Variants in GALNT13 observed in about 807,000 individuals in gnomAD.
The protein encoded by GALNT13 is UDP-GalNAc:polypeptide N-acetylgalactosaminyltransferase 13.
GALNT13 carries 28 observed loss-of-function variants against 64.2 expected under a neutral mutation model. The observed-to-expected ratio is 0.44, with a 90% CI of 0.32 to 0.60. GALNT13 has a LOEUF of 0.60. Among genes scored for constraint, GALNT13 ranks in the 20% least tolerant of loss-of-function variants. The probability of loss-of-function intolerance (pLI) is 0.05; values close to 1 mark genes in which losing one functional copy is unlikely to be tolerated. For synonymous variants in GALNT13, 214 were observed against 224.6 expected, an observed-to-expected ratio of 0.95 and a Z score of 0.42; for missense variants, 577 against 669.8, an observed-to-expected ratio of 0.86 and a Z score of 1.53.
chr2:153,167,567 T>G, the GALNT13 span, among the ~76,000 whole-genome samples: 4 of 147,708 alleles, frequency 2.7e-5, no homozygotes, highest in Non-Finnish European at 4.6e-5. Context: ...CAGGCTCCTT[T>G]AGATGGCTTT....
At chr2:153,995,202 T>G (rs1181967241) in intron 3 of GALNT13, among the ~76,000 whole-genome samples, 1 of 152,128 alleles carries the variant, frequency 6.6e-6, no homozygotes. Context: ...TTTCAGCTTT[T>G]TTGTATTTAA....
At chr2:153,352,132 C>T in the GALNT13 span, among the ~76,000 whole-genome samples, 1 of 152,054 alleles carries the variant, frequency 6.6e-6, no homozygotes, top group Non-Finnish European at 1.5e-5. Flanking sequence ...TTTGTATTAG[C>T]GTTCTGCATT....
intron 8 of GALNT13, among the ~76,000 whole-genome samples, chr2:154,288,447 T>G (rs1291839666): frequency 6.6e-6 from 1 of 151,970 alleles, no homozygotes; most frequent in Non-Finnish European, 1.5e-5. Context: ...CCCAAAGTCT[T>G]AACTCATTTC....
chr2:154,382,167 T>G (rs1480262718), intron 9 of GALNT13, among the ~76,000 whole-genome samples: 1 of 152,046 alleles, frequency 6.6e-6, no homozygotes, highest in Non-Finnish European at 1.5e-5. Context: ...ATCCCCTCTA[T>G]GGACACAGAG....
At chr2:153,354,910 T>C in the GALNT13 span, among the ~76,000 whole-genome samples, 1 of 152,200 alleles carries the variant, frequency 6.6e-6, no homozygotes, top group Non-Finnish European at 1.5e-5. Context: ...CCTGGGTTAA[T>C]GCTCATAATA....
At chr2:153,265,404 T>C in the GALNT13 span, among the ~76,000 whole-genome samples, 1 of 152,172 alleles carries the variant, frequency 6.6e-6, no homozygotes, top group Non-Finnish European at 1.5e-5. Context: ...GTTCTCTCCA[T>C]GGGAACCAGC....
intron 12 of GALNT13, among the ~76,000 whole-genome samples, chr2:154,445,386 C>A (rs1253527850): frequency 6.6e-6 from 1 of 151,524 alleles, no homozygotes; most frequent in East Asian, 1.9e-4. Context: ...TAATTAACAT[C>A]ATTTACACTA....
At chr2:154,160,912 C>T (rs1468995) in intron 4 of GALNT13, among the ~76,000 whole-genome samples, 1 of 152,122 alleles carries the variant, frequency 6.6e-6, no homozygotes, top group South Asian at 2.1e-4. Flanking sequence ...GTACTGCTAT[C>T]TTTCCAATGG....
chr2:153,884,369 A>T (rs1686989828), intron 1 of GALNT13, among the ~76,000 whole-genome samples: 1 of 151,910 alleles, frequency 6.6e-6, no homozygotes, highest in African/African-American at 2.4e-5. Flanking sequence ...TAATCCATAA[A>T]GATATTGGGA....
At chr2:154,138,385 A>G (rs150573453) in intron 3 of GALNT13, among the ~76,000 whole-genome samples, 64 of 152,196 alleles carry the variant, frequency 4.2e-4, no homozygotes, top group Non-Finnish European at 8.2e-4. Flanking sequence ...CTACAAAGAT[A>G]TTGTAAACAA....
chr2:154,084,617 T>C (rs1182173766), intron 3 of GALNT13, among the ~76,000 whole-genome samples: 1 of 151,964 alleles, frequency 6.6e-6, no homozygotes, highest in Non-Finnish European at 1.5e-5. Flanking sequence ...AACAAATCTA[T>C]CTTTCATGCC....
the GALNT13 span, among the ~76,000 whole-genome samples, chr2:153,746,657 G>T: frequency 6.6e-6 from 1 of 152,056 alleles, no homozygotes; most frequent in East Asian, 1.9e-4. Flanking sequence ...TGGAATTTCT[G>T]GGCCGTAGGT....
the GALNT13 span, among the ~76,000 whole-genome samples, chr2:153,195,510 A>G: frequency 2.0e-5 from 3 of 152,208 alleles, no homozygotes; most frequent in Non-Finnish European, 4.4e-5. Context: ...TGTACCAGGC[A>G]TACTGCAAGC....
the GALNT13 span, among the ~76,000 whole-genome samples, chr2:153,561,559 T>C: frequency 2.6e-5 from 4 of 152,170 alleles, no homozygotes; most frequent in South Asian, 4.1e-4. Flanking sequence ...CCACTTGTGG[T>C]GTCACATTGG....
the GALNT13 span, among the ~76,000 whole-genome samples, chr2:153,426,788 A>C: frequency 5.3e-5 from 8 of 151,996 alleles, no homozygotes; most frequent in Non-Finnish European, 1.0e-4. Flanking sequence ...TGGACAATTC[A>C]GAGCAATTAG....
At chr2:153,183,264 A>T in the GALNT13 span, among the ~76,000 whole-genome samples, 1 of 152,168 alleles carries the variant, frequency 6.6e-6, no homozygotes, top group Admixed American at 6.5e-5. Flanking sequence ...TTTGTTAACC[A>T]CGTGTACGTC....
chr2:154,244,049 G>A (rs1573943320), intron 6 of GALNT13, among the ~76,000 whole-genome samples: 1 of 151,912 alleles, frequency 6.6e-6, no homozygotes, highest in East Asian at 1.9e-4. Flanking sequence ...GACTGGCAAA[G>A]TAAAATGAAC....
chr2:154,177,348 A>C (rs1041346723), intron 4 of GALNT13, among the ~76,000 whole-genome samples: 1 of 152,150 alleles, frequency 6.6e-6, no homozygotes, highest in African/African-American at 2.4e-5. Context: ...ACTATATGAC[A>C]TTGTGGAAAA....
At chr2:154,235,982 G>A in intron 4 of GALNT13, 1 of 805,866 alleles carries the variant, frequency 1.2e-6, no homozygotes, top group South Asian at 1.8e-5. Flanking sequence ...ATATGATTCT[G>A]CCTCCATATT....
Sources: allele counts gnomAD v4.1 joint callset (sites outside exome capture counted in the v4.1 genomes callset), GRCh38; gene constraint gnomAD v4.1.1; transcripts MANE v1.5; gene names NCBI Gene and HGNC (gene_info 2026-07-23, HGNC 2026-07-21).